Variants in PPARGC1B observed in about 807,000 individuals in gnomAD.
The protein encoded by PPARGC1B is peroxisome proliferator-activated receptor gamma coactivator 1-beta.
PPARGC1B carries 34 observed loss-of-function variants against 101.6 expected under a neutral mutation model. The observed-to-expected ratio is 0.33, with a 90% confidence interval of 0.25 to 0.45. PPARGC1B has a LOEUF of 0.45. Ranked by LOEUF, PPARGC1B falls within the 20% of genes least tolerant of loss-of-function variation. The pLI, the probability that PPARGC1B is intolerant of heterozygous loss-of-function variation, is 1.00. For synonymous variants in PPARGC1B, 548 were observed against 539.3 expected, an observed-to-expected ratio of 1.02 and a Z score of -0.22; for missense variants, 1,234 against 1,317.6, an observed-to-expected ratio of 0.94 and a Z score of 0.98.
chr5:149,831,473 G>T (rs1758781536), intron 4 of PPARGC1B, among the ~76,000 whole-genome samples: 1 of 152,174 alleles, frequency 6.6e-6, no homozygotes, highest in African/African-American at 2.4e-5. Context: ...ATCCTCAGAG[G>T]CAGAATCGGG....
chr5:149,845,253 A>C (rs757604540), intron 10 of PPARGC1B, among the ~76,000 whole-genome samples: 2 of 152,184 alleles, frequency 1.3e-5, no homozygotes, highest in African/African-American at 2.4e-5. Flanking sequence ...GCAGCCAAGG[A>C]ATTGGTGACT....
chr5:149,823,656 C>T (rs1382684075), intron 2 of PPARGC1B, among the ~76,000 whole-genome samples: 1 of 152,112 alleles, frequency 6.6e-6, no homozygotes, highest in African/African-American at 2.4e-5. Context: ...AGAGGGGTGG[C>T]ACAGCTCCCT....
chr5:149,731,066 G>A (rs75536988), intron 1 of PPARGC1B, among the ~76,000 whole-genome samples: 14,564 of 152,286 alleles, frequency 0.096, 1,089 homozygotes, highest in African/African-American at 0.21. Flanking sequence ...CAGGCTGGAT[G>A]GGGGCGGAAG....
chr5:149,842,492 T>C, intron 10 of PPARGC1B, 115 bp downstream of exon 10: 1 of 1,442,556 alleles, frequency 6.9e-7, no homozygotes, highest in Non-Finnish European at 9.6e-7. Context: ...ACAAAATCCA[T>C]AGCCTAGATG....
chr5:149,820,787 A>C (rs780895824), intron 2 of PPARGC1B, among the ~76,000 whole-genome samples, 181 bp downstream of exon 2: 1 of 152,156 alleles, frequency 6.6e-6, no homozygotes, highest in East Asian at 1.9e-4. Context: ...CGCAGCGCAC[A>C]TGCCTCACCT....
At chr5:149,771,085 C>T (rs58996084) in intron 1 of PPARGC1B, among the ~76,000 whole-genome samples, 12,906 of 152,150 alleles carry the variant, frequency 0.085, 589 homozygotes, top group South Asian at 0.16. Flanking sequence ...AATTGGGTGG[C>T]TGGTTTGTTG....
At chr5:149,824,116 G>A (rs1218389646) in intron 2 of PPARGC1B, among the ~76,000 whole-genome samples, 1 of 152,226 alleles carries the variant, frequency 6.6e-6, no homozygotes, top group Non-Finnish European at 1.5e-5. Context: ...GCAGCTGTTA[G>A]CAATACAGGG....
intron 1 of PPARGC1B, among the ~76,000 whole-genome samples, chr5:149,784,693 G>A (rs1000254823): frequency 2.7e-5 from 4 of 149,170 alleles, no homozygotes; most frequent in South Asian, 2.2e-4. Context: ...TCAGCCTCCC[G>A]AGTAGCTGGG....
chr5:149,835,167 A>T (rs1408475722), intron 6 of PPARGC1B, 134 bp from the exon 7 acceptor site: 1 of 802,934 alleles, frequency 1.2e-6, no homozygotes, highest in South Asian at 1.6e-5. Flanking sequence ...GAGCGAATGC[A>T]TCTCAGGCTC....
At chr5:149,778,301 A>C (rs1756470254) in intron 1 of PPARGC1B, among the ~76,000 whole-genome samples, 1 of 151,750 alleles carries the variant, frequency 6.6e-6, no homozygotes, top group African/African-American at 2.4e-5. Context: ...GCAAGGCTTT[A>C]GTCTGTCTGT....
intron 1 of PPARGC1B, among the ~76,000 whole-genome samples, chr5:149,769,945 C>T (rs570539941): frequency 6.6e-6 from 1 of 152,174 alleles, no homozygotes; most frequent in Admixed American, 6.5e-5. Context: ...TTCTGAACCA[C>T]ATCGGCAGAG....
At chr5:149,812,904 G>A (rs952739574) in intron 1 of PPARGC1B, among the ~76,000 whole-genome samples, 6 of 152,210 alleles carry the variant, frequency 3.9e-5, no homozygotes, top group Non-Finnish European at 5.9e-5. Flanking sequence ...TCCACCCACT[G>A]GGAGGGGAAT....
At chr5:149,818,818 T>C (rs1312779504) in intron 1 of PPARGC1B, 4 of 456,686 alleles carry the variant, frequency 8.8e-6, no homozygotes, top group Non-Finnish European at 8.8e-6. Flanking sequence ...GGCCGGGCTA[T>C]AATGACATTG....
chr5:149,840,368 TTGG>T (rs1759285586), intron 9 of PPARGC1B, among the ~76,000 whole-genome samples: 1 of 152,062 alleles, frequency 6.6e-6, no homozygotes, highest in Non-Finnish European at 1.5e-5. Flanking sequence ...GAGTGTGCTG[TTGG>T]TGGTGATTTA....
intron 1 of PPARGC1B, among the ~76,000 whole-genome samples, chr5:149,810,168 C>T (rs1403303091): frequency 6.6e-6 from 1 of 152,224 alleles, no homozygotes; most frequent in African/African-American, 2.4e-5. Context: ...AAGTGCTTTC[C>T]TGCCACTCTC....
rs185676756 is a variant in PPARGC1B at position 149,797,726 on chromosome 5, G to T, written c.79-22707G>T. On this transcript the variant is annotated intron_variant, in intron 1 of 11. Coordinates refer to ENST00000309241, the MANE Select transcript of PPARGC1B (RefSeq NM_133263.4). ...ACTTGAGGTGAGGAGTTCGAGACCA[G>T]CCTGGCCAACATGGTGAAACCTTGT... 3.5e-3 allele frequency among the ~76,000 whole-genome samples: 531 copies of T among 152,282 alleles called. 5 individuals carry two copies. The highest frequency in any genetic ancestry group is 4.5e-3 in the Non-Finnish European group (305 of 68,020).
At chr5:149,842,510 C>G in intron 10 of PPARGC1B, 133 bp downstream of exon 10, 1 of 1,278,644 alleles carries the variant, frequency 7.8e-7, no homozygotes, top group Non-Finnish European at 1.1e-6. Flanking sequence ...ATGTGGAAAG[C>G]CAGGCCCATG....
chr5:149,730,312 C>T lies in PPARGC1B; in HGVS notation c.-31C>T. On this transcript the variant is annotated 5_prime_UTR_variant, in exon 1 of 12. Coordinates refer to ENST00000309241, the MANE Select transcript of PPARGC1B (RefSeq NM_133263.4). This position sits in a 1 kb window ranked among gnomAD's most constrained non-coding sequence, Gnocchi z 4.0. ...TCCCCCCGGGCCGGCTCGGCGTTGACTCCGCCGCACGCTGCAGCCGCGGCT... is the reference window on the plus strand; with the variant it reads ...TCCCCCCGGGCCGGCTCGGCGTTGATTCCGCCGCACGCTGCAGCCGCGGCT... 6.6e-7 allele frequency: 1 copy of T among 1,519,120 alleles called. No homozygotes were observed. Among genetic ancestry groups the T allele is most frequent in the Non-Finnish European group, 8.8e-7 (1 of 1,133,782 alleles). 94.1% of individuals were successfully genotyped at this position (1,519,120 alleles called of 1,614,324 possible).
chr5:149,748,374 A>G (rs1755166169), intron 1 of PPARGC1B, among the ~76,000 whole-genome samples: 1 of 152,068 alleles, frequency 6.6e-6, no homozygotes. Context: ...ATGAGAAGGT[A>G]CAATGTCTGA....
Sources: allele counts gnomAD v4.1 joint callset (sites outside exome capture counted in the v4.1 genomes callset), GRCh38; gene constraint gnomAD v4.1.1; non-coding constraint Gnocchi (gnomAD v3.1); transcripts MANE v1.5; gene names NCBI Gene and HGNC (gene_info 2026-07-23, HGNC 2026-07-21).